Variants in TTLL9 observed in about 807,000 individuals in gnomAD.
TTLL9 encodes probable tubulin polyglutamylase TTLL9.
TTLL9 carries 47 observed loss-of-function variants against 65.6 expected under a neutral mutation model. The ratio of observed to expected loss-of-function variants is 0.72; its 90% CI spans 0.57 to 0.91. The LOEUF (loss-of-function observed/expected upper bound fraction) is 0.91. TTLL9 is among the 40% of genes least tolerant of loss of function. The pLI, the probability that TTLL9 is intolerant of heterozygous loss-of-function variation, is 0.00. For synonymous variants in TTLL9, 179 were observed against 204.8 expected (o/e 0.87, Z 1.07); for missense variants, 537 against 568.8 (o/e 0.94, Z 0.57).
At chr20:31,891,548 C>A (rs2063307868) in intron 3 of TTLL9, among the ~76,000 whole-genome samples, 1 of 150,168 alleles carries the variant, frequency 6.7e-6, no homozygotes, top group South Asian at 2.1e-4. Flanking sequence ...CTATGTTGCT[C>A]TGGCTGGTCT....
intron 2 of TTLL9, among the ~76,000 whole-genome samples, chr20:31,880,753 C>T (rs908837621): frequency 5.3e-5 from 8 of 151,994 alleles, no homozygotes; most frequent in Admixed American, 1.3e-4. Flanking sequence ...TCCCAAAGTG[C>T]TAGGATTACA....
rs1464285493 is a variant in TTLL9 at position 31,943,447 on chromosome 20, A to G, written c.*426A>G. 3 of 329,092 alleles carry G rather than the reference A, an allele frequency of 9.1e-6. No homozygotes were observed. Among genetic ancestry groups the G allele is most frequent in the Non-Finnish European group, 1.8e-5 (3 of 167,028 alleles). 20.4% of individuals were successfully genotyped at this position (329,092 alleles called of 1,614,324 possible). ...GGCTTTGACACTTGGATACCTCCCA[A>G]GTCAGTGCTGAAAAGGTCCTTCAGG... On this transcript the variant is annotated 3_prime_UTR_variant, in exon 15 of 15. Coordinates refer to ENST00000535842, the MANE Select transcript of TTLL9 (RefSeq NM_001008409.5).
intron 2 of TTLL9, among the ~76,000 whole-genome samples, chr20:31,884,811 T>C (rs1023632767): frequency 6.6e-6 from 1 of 152,246 alleles, no homozygotes; most frequent in Admixed American, 6.5e-5. Flanking sequence ...ATTTTAAGGT[T>C]CTTTGATTAG....
intron 4 of TTLL9, 88 bp from the exon 5 acceptor site, chr20:31,908,503 C>G (rs2063593768): frequency 2.3e-6 from 2 of 867,540 alleles, no homozygotes; most frequent in Non-Finnish European, 3.8e-6. Context: ...TACCCTTCCT[C>G]AAGCCCCCTC....
chr20:31,904,716 C>G (rs1417106200), intron 4 of TTLL9, among the ~76,000 whole-genome samples: 1 of 152,124 alleles, frequency 6.6e-6, no homozygotes, highest in Non-Finnish European at 1.5e-5. Flanking sequence ...AATGGTTACT[C>G]TCTGTCATTC....
At chr20:31,871,911 C>T (rs1379215983) in intron 2 of TTLL9, among the ~76,000 whole-genome samples, 1 of 152,062 alleles carries the variant, frequency 6.6e-6, no homozygotes, top group Non-Finnish European at 1.5e-5. Flanking sequence ...CTCAATATAT[C>T]CAAAATATCA....
intron 3 of TTLL9, among the ~76,000 whole-genome samples, chr20:31,894,720 T>TACAC (rs10582768): frequency 1.1e-3 from 166 of 148,998 alleles, no homozygotes; most frequent in Middle Eastern, 3.5e-3. Flanking sequence ...TACATGTATA[T>TACAC]ACACACACAC....
chr20:31,880,641 C>T (rs1246364220), intron 2 of TTLL9, among the ~76,000 whole-genome samples: 8 of 151,826 alleles, frequency 5.3e-5, no homozygotes, highest in African/African-American at 1.7e-4. Flanking sequence ...TACAGGCGCT[C>T]GCCACCACGC....
intron 2 of TTLL9, among the ~76,000 whole-genome samples, chr20:31,871,867 A>G (rs2062938439): frequency 6.6e-6 from 1 of 152,242 alleles, no homozygotes; most frequent in South Asian, 2.1e-4. Flanking sequence ...TAAAAAGTAG[A>G]AACAAGTTAA....
At chr20:31,916,726 C>T (rs540737882) in intron 6 of TTLL9, among the ~76,000 whole-genome samples, 1 of 152,292 alleles carries the variant, frequency 6.6e-6, no homozygotes, top group Non-Finnish European at 1.5e-5. Context: ...CAGTCACAGG[C>T]ATCATCTCCG....
intron 3 of TTLL9, among the ~76,000 whole-genome samples, chr20:31,892,119 T>A (rs2063315666): frequency 6.6e-6 from 1 of 152,000 alleles, no homozygotes; most frequent in African/African-American, 2.4e-5. Flanking sequence ...GATAAATTTT[T>A]AAAATACTTA....
chr20:31,920,307 C>G (rs577965037), intron 7 of TTLL9, among the ~76,000 whole-genome samples: 1 of 152,132 alleles, frequency 6.6e-6, no homozygotes, highest in Non-Finnish European at 1.5e-5. Flanking sequence ...GCTCGATGCA[C>G]GTTCTTTATC....
intron 12 of TTLL9, among the ~76,000 whole-genome samples, chr20:31,935,904 C>T (rs545235573): frequency 5.9e-5 from 9 of 152,306 alleles, no homozygotes; most frequent in South Asian, 2.1e-4. Flanking sequence ...AGGATGACTC[C>T]GGCTGTGCCC....
chr20:31,942,298 G>A (rs2064223484), intron 14 of TTLL9, among the ~76,000 whole-genome samples: 11 of 152,210 alleles, frequency 7.2e-5, no homozygotes, highest in Admixed American at 7.2e-4. Flanking sequence ...CAGCCAACAT[G>A]TAGCACCATG....
chr20:31,890,154 C>CTTCTTTCTTTCT (rs765420741), intron 3 of TTLL9, among the ~76,000 whole-genome samples: 511 of 13,534 alleles, frequency 0.038, 52 homozygotes, highest in African/African-American at 0.095. Flanking sequence ...TCCTTCCTTC[C>CTTCTTTCTTTCT]TTCTTTCTTT....
intron 3 of TTLL9, 136 bp downstream of exon 3, chr20:31,887,375 T>C: frequency 9.9e-7 from 1 of 1,006,122 alleles, no homozygotes; most frequent in Non-Finnish European, 1.5e-6. Flanking sequence ...TGCTAAACCA[T>C]TATTGAGCAC....
rs76179939 is a variant in TTLL9, at chr20:31,877,819, A to G, written c.69+6624A>G. 9.5e-4 allele frequency among the ~76,000 whole-genome samples: 144 copies of G among 152,306 alleles called. 6 individuals are homozygous for G. In the East Asian group the frequency reaches 0.022, roughly 23 times the overall value. ...TATACACATTGTTCTTTTGATTTTG[A>G]CAAGATTTCTCAAAAATCCTGATTG... On this transcript the variant is annotated intron_variant, in intron 2 of 14. Transcript: ENST00000535842.
chr20:31,885,832 C>G (rs2063180744), intron 2 of TTLL9, among the ~76,000 whole-genome samples: 1 of 152,178 alleles, frequency 6.6e-6, no homozygotes, highest in African/African-American at 2.4e-5. Flanking sequence ...TTACTTAAGA[C>G]TCCATCATAG....
intron 2 of TTLL9, among the ~76,000 whole-genome samples, chr20:31,884,492 G>T (rs1440100793): frequency 6.6e-6 from 1 of 152,172 alleles, no homozygotes; most frequent in East Asian, 1.9e-4. Flanking sequence ...CTCCCAAAGT[G>T]CTGGGATTAC....
Sources: gnomAD v4.1 joint callset for allele counts (sites outside exome capture counted in the v4.1 genomes callset) on GRCh38, gnomAD v4.1.1 for gene constraint, MANE v1.5 for transcripts, NCBI Gene and HGNC (gene_info 2026-07-23, HGNC 2026-07-21) for gene names.